Variants in COL6A5 observed in about 807,000 individuals in gnomAD.
The protein encoded by COL6A5 is collagen type VI alpha 5 chain.
A neutral mutation model predicts 65.6 loss-of-function variants in COL6A5; 48 were observed. The ratio of observed to expected loss-of-function variants is 0.73; its 90% CI spans 0.58 to 0.93. COL6A5 has a LOEUF of 0.93. Among genes scored for constraint, COL6A5 ranks in the 40% least tolerant of loss-of-function variants. The probability of loss-of-function intolerance (pLI) is 0.00; values close to 1 mark genes in which losing one functional copy is unlikely to be tolerated. For missense variants in COL6A5, 914 were observed against 928.3 expected, an observed-to-expected ratio of 0.98 and a Z score of 0.20; for synonymous variants, 291 against 322.8, an observed-to-expected ratio of 0.90 and a Z score of 1.05.
intron 1 of COL6A5, among the ~76,000 whole-genome samples, chr3:130,436,433 A>C (rs546363622): frequency 6.6e-6 from 1 of 152,014 alleles, no homozygotes; most frequent in African/African-American, 2.4e-5. Flanking sequence ...CTTGGCTCCC[A>C]TATAGCAATC....
At chr3:130,443,146 C>T (rs546502487) in intron 3 of COL6A5, among the ~76,000 whole-genome samples, 1 of 152,206 alleles carries the variant, frequency 6.6e-6, no homozygotes, top group East Asian at 1.9e-4. Context: ...GGTGAAAAAC[C>T]TTTGATGAAT....
exon 14 of COL6A5, chr3:130,405,639 C>G: frequency 5.2e-6 from 8 of 1,550,552 alleles, no homozygotes; most frequent in Non-Finnish European, 7.0e-6. Context: ...TGCAGGATGT[C>G]CAGGGGCGTG....
At chr3:130,481,039 T>TTTTC (rs1035882426) in intron 7 of COL6A5, among the ~76,000 whole-genome samples, 4 of 151,940 alleles carry the variant, frequency 2.6e-5, no homozygotes, top group Non-Finnish European at 5.9e-5. Context: ...TAGGCTTTCT[T>TTTTC]TTTCTTTCTT....
chr3:130,405,758 C>G, intron 14 of COL6A5, 99 bp downstream of exon 14: 1 of 1,047,682 alleles, frequency 9.5e-7, no homozygotes. Flanking sequence ...TTCCATCACT[C>G]CTCTCTCTTT....
intron 1 of COL6A5, among the ~76,000 whole-genome samples, chr3:130,369,353 T>C (rs1935467236): frequency 6.6e-6 from 1 of 152,238 alleles, no homozygotes; most frequent in South Asian, 2.1e-4. Context: ...GATTTAGCAG[T>C]CTAAACCTCC....
At chr3:130,357,401 G>A (rs986172953) in intron 1 of COL6A5, among the ~76,000 whole-genome samples, 1 of 152,152 alleles carries the variant, frequency 6.6e-6, no homozygotes, top group Non-Finnish European at 1.5e-5. Flanking sequence ...ACTGGCAATT[G>A]CTCTGTCACT....
At chr3:130,369,446 A>G (rs568974200) in intron 1 of COL6A5, among the ~76,000 whole-genome samples, 3 of 152,286 alleles carry the variant, frequency 2.0e-5, no homozygotes, top group Admixed American at 2.0e-4. Context: ...CTTGTTAAAT[A>G]ATTTCTTTTT....
At chr3:130,456,830 T>C (rs1709585293) in intron 5 of COL6A5, among the ~76,000 whole-genome samples, 1 of 152,086 alleles carries the variant, frequency 6.6e-6, no homozygotes, top group South Asian at 2.1e-4. Flanking sequence ...GGATAAAATT[T>C]TTTTTCTTGG....
intron 25 of COL6A5, 47 bp downstream of exon 25, chr3:130,418,978 T>A: frequency 6.7e-7 from 1 of 1,487,630 alleles, no homozygotes; most frequent in Non-Finnish European, 9.2e-7. Context: ...GGGTATTCAG[T>A]TCCAAGGTAA....
intron 5 of COL6A5, among the ~76,000 whole-genome samples, chr3:130,457,749 C>A (rs1165292660): frequency 6.6e-6 from 1 of 152,078 alleles, no homozygotes; most frequent in Non-Finnish European, 1.5e-5. Context: ...TCTTTTCTTT[C>A]TTTCAATCAT....
chr3:130,429,915 C>T (rs1019231419), upstream of COL6A5, among the ~76,000 whole-genome samples: 1 of 152,214 alleles, frequency 6.6e-6, no homozygotes, highest in African/African-American at 2.4e-5. Context: ...ACGCCCTTGA[C>T]ACTGGCTTCT....
chr3:130,360,056 A>G (rs149414795), intron 1 of COL6A5, among the ~76,000 whole-genome samples: 187 of 152,234 alleles, frequency 1.2e-3, no homozygotes, highest in African/African-American at 4.1e-3. Context: ...AATAACCAAT[A>G]TTTATATTAA....
At chr3:130,458,218 C>T (rs72986374) in intron 5 of COL6A5, among the ~76,000 whole-genome samples, 3,330 of 152,034 alleles carry the variant, frequency 0.022, 118 homozygotes, top group African/African-American at 0.076. Context: ...TTAAAGCAGC[C>T]GAAGGACAAC....
At chr3:130,418,478 A>G (rs909566756) in intron 24 of COL6A5, among the ~76,000 whole-genome samples, 1 of 152,066 alleles carries the variant, frequency 6.6e-6, no homozygotes, top group Non-Finnish European at 1.5e-5. Flanking sequence ...ACAATATTAT[A>G]ATTGCCTGTC....
chr3:130,416,305 T>G (rs1937335046), intron 23 of COL6A5, among the ~76,000 whole-genome samples: 1 of 152,164 alleles, frequency 6.6e-6, no homozygotes, highest in African/African-American at 2.4e-5. Context: ...GTCAGTTATC[T>G]TTCTGATAAT....
chr3:130,377,131 G>A lies in COL6A5; in HGVS notation c.667+295G>A, dbSNP rs1437404971. ...TCTTTCCTTTCTAATTTCTTTTTGG[G>A]TTTCGGTTCCTTGCACACAGCTTAT... On this transcript the variant is annotated intron_variant and NMD_transcript_variant, in intron 3 of 41. Transcript: ENST00000312481. 2.6e-5 allele frequency among the ~76,000 whole-genome samples: 4 copies of A among 151,796 alleles called. No individual in the cohort carries two copies. The South Asian group carries it at 8.3e-4, about 32-fold the overall frequency.
At chr3:130,346,546 T>C (rs1577411640) in intron 1 of COL6A5, among the ~76,000 whole-genome samples, 1 of 152,208 alleles carries the variant, frequency 6.6e-6, no homozygotes, top group African/African-American at 2.4e-5. Context: ...CAAACGAAAC[T>C]GTGATCTTTG....
chr3:130,376,415 C>A (rs753276420), exon 3 of COL6A5: 65 of 1,613,256 alleles, frequency 4.0e-5, no homozygotes, highest in Non-Finnish European at 5.3e-5. Context: ...ACAGTGAATT[C>A]CATCTGAGCA....
intron 5 of COL6A5, among the ~76,000 whole-genome samples, chr3:130,468,330 CAT>C (rs1320432794): frequency 1.3e-5 from 2 of 151,986 alleles, no homozygotes; most frequent in Admixed American, 1.3e-4. Flanking sequence ...CTCTATGGTG[CAT>C]ACTTTGAACA....
Sources: gnomAD v4.1 joint callset for allele counts (sites outside exome capture counted in the v4.1 genomes callset) on GRCh38, gnomAD v4.1.1 for gene constraint, MANE v1.5 for transcripts, NCBI Gene and HGNC (gene_info 2026-07-23, HGNC 2026-07-21) for gene names.